The following SMAP1 variants were observed in gnomAD, a reference collection of about 807,000 sequenced individuals.
SMAP1 encodes the protein stromal membrane-associated protein 1.
A neutral mutation model predicts 58.5 loss-of-function variants in SMAP1; 24 were observed. The ratio of observed to expected loss-of-function variants is 0.41; its 90% CI spans 0.30 to 0.58. The LOEUF (loss-of-function observed/expected upper bound fraction) is 0.58, where lower values mean the gene tolerates loss of function less well. SMAP1 is among the 20% of genes least tolerant of loss of function. The probability of loss-of-function intolerance (pLI) is 0.29; values close to 1 mark genes in which losing one functional copy is unlikely to be tolerated. For missense variants in SMAP1, 563 were observed against 566.3 expected (o/e 0.99, Z 0.06); for synonymous variants, 216 against 196.6 (o/e 1.10, Z -0.82).
intron 1 of SMAP1, among the ~76,000 whole-genome samples, chr6:70,726,514 ATTAG>A (rs1288553614): frequency 6.6e-6 from 1 of 152,258 alleles, no homozygotes; most frequent in African/African-American, 2.4e-5. Flanking sequence ...TAAAATTACC[ATTAG>A]TTAGCATTAA....
chr6:70,860,126 A>AC, intron 10 of SMAP1, 74 bp from the exon 11 acceptor site: 1 of 1,481,870 alleles, frequency 6.7e-7, no homozygotes, highest in Middle Eastern at 1.8e-4. Context: ...AAAAATGACC[A>AC]ACTGTGTGGC....
intron 3 of SMAP1, among the ~76,000 whole-genome samples, chr6:70,759,565 A>G (rs1220177405): frequency 1.3e-5 from 2 of 152,094 alleles, no homozygotes; most frequent in Non-Finnish European, 1.5e-5. Flanking sequence ...GACAGTATAT[A>G]TCTTCTTGGT....
intron 1 of SMAP1, among the ~76,000 whole-genome samples, chr6:70,718,157 G>T (rs748386990): frequency 6.6e-6 from 1 of 151,764 alleles, no homozygotes; most frequent in Non-Finnish European, 1.5e-5. Flanking sequence ...ACATGTGTAC[G>T]TATGCATATT....
intron 1 of SMAP1, among the ~76,000 whole-genome samples, chr6:70,731,219 A>G (rs1033691965): frequency 1.3e-5 from 2 of 152,150 alleles, no homozygotes; most frequent in African/African-American, 4.8e-5. Context: ...TATTGCTTTT[A>G]TTTTTCCATT....
In SMAP1 at chr6:70,667,976, C is replaced by A; in HGVS notation, c.-48C>A. The A allele has an allele frequency of 6.7e-7, 1 of 1,500,544 alleles. No homozygotes were observed. The highest frequency in any genetic ancestry group is 1.2e-5 in the South Asian group (1 of 82,582). The allele number at this position is 1,500,544 out of a possible 1,614,324, so 93.0% of individuals were successfully genotyped here. Reference sequence around the variant, plus strand: ...GTTCACTCTGCCCGGCTCCAGCCAGCGTCCGCCGCCGCCGTAGCTGCCCCA... The same window carrying A: ...GTTCACTCTGCCCGGCTCCAGCCAGAGTCCGCCGCCGCCGTAGCTGCCCCA... On this transcript the variant is annotated 5_prime_UTR_variant, in exon 1 of 11. Coordinates refer to ENST00000370455, the MANE Select transcript of SMAP1 (RefSeq NM_001044305.3).
chr6:70,754,543 T>C (rs950202248), intron 2 of SMAP1, among the ~76,000 whole-genome samples: 9 of 152,122 alleles, frequency 5.9e-5, no homozygotes, highest in Admixed American at 3.9e-4. Context: ...CTGGCCTTCA[T>C]TGTGATCTTG....
intron 5 of SMAP1, among the ~76,000 whole-genome samples, chr6:70,792,674 T>C (rs1768416066): frequency 1.3e-5 from 2 of 151,960 alleles, no homozygotes; most frequent in Admixed American, 1.3e-4. Context: ...TGAAAAAACA[T>C]ATGGGCAAAG....
intron 2 of SMAP1, among the ~76,000 whole-genome samples, chr6:70,740,607 A>G (rs1187118782): frequency 6.6e-6 from 1 of 152,074 alleles, no homozygotes; most frequent in Non-Finnish European, 1.5e-5. Flanking sequence ...GTCAATTCCC[A>G]GGTTTTTTCT....
chr6:70,746,207 A>G (rs556262046), intron 2 of SMAP1, among the ~76,000 whole-genome samples: 2 of 152,078 alleles, frequency 1.3e-5, no homozygotes, highest in Non-Finnish European at 2.9e-5. Flanking sequence ...TTCCAACACT[A>G]TGTTGAATAG....
intron 6 of SMAP1, among the ~76,000 whole-genome samples, chr6:70,810,844 T>G (rs1038326965): frequency 6.6e-6 from 1 of 152,162 alleles, no homozygotes; most frequent in Non-Finnish European, 1.5e-5. Context: ...CTGGCTCCCC[T>G]TTTTTTATTG....
chr6:70,728,459 A>G (rs922075197), intron 1 of SMAP1, among the ~76,000 whole-genome samples: 4 of 152,230 alleles, frequency 2.6e-5, no homozygotes, highest in Non-Finnish European at 5.9e-5. Context: ...CCATTTTTAA[A>G]AATAGTAGAT....
intron 7 of SMAP1, among the ~76,000 whole-genome samples, chr6:70,849,064 G>T (rs1771090693): frequency 1.3e-5 from 2 of 152,182 alleles, no homozygotes; most frequent in African/African-American, 4.8e-5. Flanking sequence ...AAGAGGGGCA[G>T]GTATGTTGCA....
Position 70,691,857 on chromosome 6 carries a change from C to T in SMAP1, c.118+23716C>T, listed in dbSNP as rs545600289. Among the ~76,000 whole-genome samples, 3 of 152,250 alleles carry T rather than the reference C, an allele frequency of 2.0e-5. No homozygotes were observed. The East Asian group carries it at 5.8e-4, about 29-fold the overall frequency. On this transcript the variant is annotated intron_variant, in intron 1 of 10. Coordinates refer to ENST00000370455, the MANE Select transcript of SMAP1 (RefSeq NM_001044305.3). ...GTACCACGTTGTCTTTATCCATTCC[C>T]CTGTTGATGGACACTTAGGTAGCTT...
chr6:70,690,763 G>A (rs1767131778), intron 1 of SMAP1, among the ~76,000 whole-genome samples: 1 of 151,482 alleles, frequency 6.6e-6, no homozygotes, highest in Non-Finnish European at 1.5e-5. Context: ...GTGTTGAACT[G>A]TAGGTTTTAT....
At chr6:70,758,427 G>A (rs1028501210) in intron 3 of SMAP1, among the ~76,000 whole-genome samples, 2 of 149,786 alleles carry the variant, frequency 1.3e-5, no homozygotes, top group Admixed American at 1.3e-4. Flanking sequence ...GCTAGATGAC[G>A]AGTTAGTGGG....
chr6:70,769,997 C>A (rs1767200453), intron 3 of SMAP1, among the ~76,000 whole-genome samples: 1 of 151,716 alleles, frequency 6.6e-6, no homozygotes, highest in African/African-American at 2.4e-5. Flanking sequence ...GATTTTATTT[C>A]TCCTTCACTT....
At chr6:70,756,443 A>C (rs1011301541) in intron 3 of SMAP1, among the ~76,000 whole-genome samples, 5 of 152,102 alleles carry the variant, frequency 3.3e-5, no homozygotes, top group African/African-American at 1.2e-4. Flanking sequence ...CAAATTTAGC[A>C]GTCTGATATC....
chr6:70,718,446 AAG>A (rs1002688500), intron 1 of SMAP1, among the ~76,000 whole-genome samples: 74 of 152,286 alleles, frequency 4.9e-4, no homozygotes, highest in African/African-American at 1.7e-3. Flanking sequence ...TGGAGGGAGG[AAG>A]AGAGAGGGAA....
At chr6:70,787,326 G>C (rs1476396154) in intron 4 of SMAP1, among the ~76,000 whole-genome samples, 8 of 152,226 alleles carry the variant, frequency 5.3e-5, no homozygotes, top group Non-Finnish European at 1.0e-4. Flanking sequence ...TTACATGTTA[G>C]ACCTAAAACC....
Sources: allele counts gnomAD v4.1 joint callset (sites outside exome capture counted in the v4.1 genomes callset), GRCh38; gene constraint gnomAD v4.1.1; transcripts MANE v1.5; gene names NCBI Gene and HGNC (gene_info 2026-07-23, HGNC 2026-07-21).